Variants in AVL9 observed in about 807,000 individuals in gnomAD.
AVL9 encodes the protein late secretory pathway protein AVL9 homolog.
Under a neutral mutation model 79.2 loss-of-function variants are expected in AVL9, and 49 were observed. The ratio of observed to expected loss-of-function variants is 0.62; its 90% CI spans 0.49 to 0.79. AVL9 has a LOEUF of 0.79. Among genes scored for constraint, AVL9 ranks in the 30% least tolerant of loss-of-function variants. The pLI, the probability that AVL9 is intolerant of heterozygous loss-of-function variation, is 0.00. For missense variants in AVL9, 682 were observed against 776.8 expected (o/e 0.88, Z 1.45); for synonymous variants, 299 against 280.6 (o/e 1.07, Z -0.65).
Position 32,584,067 on chromosome 7 carries a change from G to T in AVL9, c.*160G>T. The T allele has an allele frequency of 1.4e-6, 1 of 696,944 alleles. No homozygotes were observed. The allele number at this position is 696,944 out of a possible 1,614,324, so 43.2% of individuals were successfully genotyped here. On this transcript the variant is annotated 3_prime_UTR_variant, in exon 16 of 16. Coordinates refer to ENST00000318709, the MANE Select transcript of AVL9 (RefSeq NM_015060.3). ...AGTGAATGTTTCGGGATGCCGAAATGATGAAATCACAGCCATAGCAGGGAT... is the reference window on the plus strand; with the variant it reads ...AGTGAATGTTTCGGGATGCCGAAATTATGAAATCACAGCCATAGCAGGGAT...
At chr7:32,520,495 A>G (rs1788093094) in intron 1 of AVL9, among the ~76,000 whole-genome samples, 1 of 152,220 alleles carries the variant, frequency 6.6e-6, no homozygotes, top group African/African-American at 2.4e-5. Flanking sequence ...AGTAGACTAG[A>G]TAAATGCCAC....
chr7:32,508,189 G>A (rs990145174), intron 1 of AVL9, among the ~76,000 whole-genome samples: 7 of 151,978 alleles, frequency 4.6e-5, no homozygotes, highest in Non-Finnish European at 1.0e-4. Flanking sequence ...TATCTTAATG[G>A]TGTCTTTTTT....
At chr7:32,558,795 G>C (rs1583574686) in intron 9 of AVL9, 134 bp from the exon 10 acceptor site, 10 of 1,049,900 alleles carry the variant, frequency 9.5e-6, no homozygotes, top group African/African-American at 4.9e-5. Context: ...GCTTCTTTCT[G>C]TTCTTTTTGT....
intron 10 of AVL9, among the ~76,000 whole-genome samples, chr7:32,566,343 AT>A (rs1194821437): frequency 2.0e-5 from 3 of 148,982 alleles, no homozygotes; most frequent in African/African-American, 7.4e-5. Flanking sequence ...CGCCCAGCTA[AT>A]TTTTTGTGGA....
chr7:32,574,082 G>C (rs754340292), intron 12 of AVL9, among the ~76,000 whole-genome samples: 3 of 152,128 alleles, frequency 2.0e-5, no homozygotes, highest in Non-Finnish European at 2.9e-5. Context: ...TGTTAAAAAT[G>C]TGTTGAGCTT....
chr7:32,579,279 T>A (rs1482465626), intron 13 of AVL9, among the ~76,000 whole-genome samples: 48 of 23,548 alleles, frequency 2.0e-3, no homozygotes, highest in Non-Finnish European at 4.9e-3. Context: ...TGCCTGATTT[T>A]ATATATATAT....
chr7:32,532,535 T>C (rs914840836), intron 1 of AVL9: 2 of 147,920 alleles, frequency 1.4e-5, no homozygotes, highest in Admixed American at 6.7e-5. Flanking sequence ...TCTGTTTCAC[T>C]GTGGTGGGAT....
rs71559236 is a variant in AVL9 at position 32,548,151 on chromosome 7, C to CTTTTGTTTTCTTTTTGTTTTG, written c.301-692_301-691insGTTTTCTTTTTGTTTTGTTTT. On this transcript the variant is annotated intron_variant, in intron 3 of 15. Transcript: ENST00000318709. Reference sequence around the variant, plus strand: ...TGTCTGTTTTTGTCATCTCTTTTTTCTTTTTTTTTTTTTTGAGACGGAGTC... The same window carrying CTTTTGTTTTCTTTTTGTTTTG: ...TGTCTGTTTTTGTCATCTCTTTTTTCTTTTGTTTTCTTTTTGTTTTGTTTTTTTTTTTTTTGAGACGGAGTC... 9.9e-5 allele frequency among the ~76,000 whole-genome samples: 13 copies of CTTTTGTTTTCTTTTTGTTTTG among 131,600 alleles called. 1 individual carries two copies. In the East Asian group the frequency reaches 1.5e-3, roughly 15 times the overall value. The allele number at this position is 131,600 out of a possible 152,430, so 86.3% of individuals were successfully genotyped here.
At chr7:32,548,616 C>T (rs1175524649) in intron 3 of AVL9, among the ~76,000 whole-genome samples, 1 of 152,074 alleles carries the variant, frequency 6.6e-6, no homozygotes, top group Admixed American at 6.6e-5. Context: ...CCTTGAGATT[C>T]GGGATTGTCC....
intron 8 of AVL9, among the ~76,000 whole-genome samples, chr7:32,554,817 TAGAA>T (rs1446278640): frequency 1.3e-5 from 2 of 152,138 alleles, no homozygotes; most frequent in African/African-American, 4.8e-5. Flanking sequence ...CTGACTTAAA[TAGAA>T]AGGACATATT....
At chr7:32,514,995 C>T (rs1787846995) in intron 1 of AVL9, among the ~76,000 whole-genome samples, 1 of 152,218 alleles carries the variant, frequency 6.6e-6, no homozygotes, top group Admixed American at 6.5e-5. Context: ...TTAACAGCAT[C>T]TCAAAGCAGA....
intron 10 of AVL9, among the ~76,000 whole-genome samples, chr7:32,567,909 A>G (rs1199155054): frequency 6.6e-6 from 1 of 151,646 alleles, no homozygotes; most frequent in African/African-American, 2.4e-5. Flanking sequence ...TAGTAGAGAC[A>G]GGGTTTCACC....
chr7:32,512,063 A>T (rs771209718), intron 1 of AVL9, among the ~76,000 whole-genome samples: 1 of 152,196 alleles, frequency 6.6e-6, no homozygotes, highest in African/African-American at 2.4e-5. Context: ...TGAAACATAC[A>T]TGCTCCCTTT....
rs796351504 is a variant in AVL9, at chr7:32,503,365, T to TACACACACACACAC, written c.93+7564_93+7565insCACACACACACACA. Among the ~76,000 whole-genome samples the TACACACACACACAC allele has an allele frequency of 5.0e-3, 516 of 103,054 alleles. 2 individuals are homozygous for TACACACACACACAC. Among genetic ancestry groups the TACACACACACACAC allele is most frequent in the Non-Finnish European group, 6.0e-3 (315 of 52,542 alleles). The allele number at this position is 103,054 out of a possible 152,430, so 67.6% of individuals were successfully genotyped here. A position where few individuals can be genotyped will look rare whatever the true frequency, so the allele number is the denominator to read the frequency against. On this transcript the variant is annotated intron_variant, in intron 1 of 15. Coordinates refer to ENST00000318709, the MANE Select transcript of AVL9 (RefSeq NM_015060.3). ...ATATAGATATAGATATAGAGAGATA[T>TACACACACACACAC]ATATATATACACACACACACACACA...
chr7:32,586,890 G>A lies in AVL9; in HGVS notation c.*2983G>A, dbSNP rs1791818157. On this transcript the variant is annotated 3_prime_UTR_variant, in exon 16 of 16. Transcript: ENST00000318709. ...AACTACCAGTTGTGGAATAGAAATA[G>A]TTGCATGTCCAAAGAAGGCTTAGAA... is the stretch of plus-strand genomic sequence containing the variant. The A allele has an allele frequency of 6.6e-6, 1 of 152,256 alleles. No individual in the cohort carries two copies. The highest frequency in any genetic ancestry group is 2.4e-5 in the African/African-American group (1 of 41,450). 9.4% of individuals were successfully genotyped at this position (152,256 alleles called of 1,614,324 possible). A position where few individuals can be genotyped will look rare whatever the true frequency, so the allele number is the denominator to read the frequency against.
chr7:32,503,454 A>T (rs1476905412), intron 1 of AVL9, among the ~76,000 whole-genome samples: 1 of 142,970 alleles, frequency 7.0e-6, no homozygotes, highest in Non-Finnish European at 1.5e-5. Flanking sequence ...GCTACTCGGG[A>T]GGCTGAGGCA....
At chr7:32,573,144 G>C in intron 11 of AVL9, 55 bp from the exon 12 acceptor site, 1 of 1,383,822 alleles carries the variant, frequency 7.2e-7, no homozygotes, top group Non-Finnish European at 1.0e-6. Flanking sequence ...GTAAAGTGTG[G>C]CATGGATGTC....
chr7:32,503,339 T>TATATATATATATATAG (rs1787235612), intron 1 of AVL9, among the ~76,000 whole-genome samples: 1 of 88,780 alleles, frequency 1.1e-5, no homozygotes, highest in South Asian at 5.0e-4. Context: ...TATATCTATA[T>TATATATATATATATAG]ATATAGATAT....
chr7:32,541,165 T>C (rs955489167), intron 1 of AVL9, among the ~76,000 whole-genome samples: 2 of 151,966 alleles, frequency 1.3e-5, no homozygotes, highest in Non-Finnish European at 2.9e-5. Flanking sequence ...CCTCCCAAAG[T>C]GCTGGGATTA....
Sources: allele counts gnomAD v4.1 joint callset (sites outside exome capture counted in the v4.1 genomes callset), GRCh38; gene constraint gnomAD v4.1.1; transcripts MANE v1.5; gene names NCBI Gene and HGNC (gene_info 2026-07-23, HGNC 2026-07-21).